The following CNOT2 variants were observed in gnomAD, a reference collection of about 807,000 sequenced individuals.
The protein encoded by CNOT2 is CCR4-NOT transcription complex subunit 2.
A neutral mutation model predicts 72.1 loss-of-function variants in CNOT2; 7 were observed. That is an observed-to-expected ratio of 0.10 (90% CI 0.06 to 0.18). The LOEUF (loss-of-function observed/expected upper bound fraction) is 0.18. Ranked by LOEUF, CNOT2 falls within the 10% of genes least tolerant of loss-of-function variation. The pLI is 1.00. For missense variants in CNOT2, 345 were observed against 660.3 expected (o/e 0.52, Z 5.23); for synonymous variants, 196 against 225.6 (o/e 0.87, Z 1.17).
intron 2 of CNOT2, among the ~76,000 whole-genome samples, chr12:70,278,913 T>G (rs952409126): frequency 1.3e-5 from 2 of 152,208 alleles, no homozygotes; most frequent in Admixed American, 1.3e-4. Flanking sequence ...ATTTTAAAGA[T>G]TGTGCTATTA....
At chr12:70,348,408 C>T (rs774427333) in intron 15 of CNOT2, among the ~76,000 whole-genome samples, 1 of 151,952 alleles carries the variant, frequency 6.6e-6, no homozygotes, top group Non-Finnish European at 1.5e-5. Flanking sequence ...TCCTAAGTGA[C>T]GGTAGTAATG....
intron 2 of CNOT2, among the ~76,000 whole-genome samples, chr12:70,305,464 A>G (rs1288703367): frequency 6.6e-6 from 1 of 152,218 alleles, no homozygotes; most frequent in African/African-American, 2.4e-5. Context: ...GCCAAACCAT[A>G]TCAGCTAGGA....
chr12:70,347,247 G>T (rs563617478), intron 15 of CNOT2, among the ~76,000 whole-genome samples: 1 of 152,062 alleles, frequency 6.6e-6, no homozygotes, highest in East Asian at 1.9e-4. Flanking sequence ...TTACTAAAAT[G>T]ATTATTTAAA....
rs1349724326 is a variant in CNOT2, at chr12:70,329,459, A to G, written c.275A>G (p.Asn92Ser). The G allele has an allele frequency of 1.2e-6, 2 of 1,612,116 alleles. No homozygotes were observed. Among genetic ancestry groups the G allele is most frequent in the South Asian group, 1.1e-5 (1 of 91,036 alleles). The change falls in exon 5 of 16, where the codon AAT becomes AGT. Residue 92 changes from asparagine (N) to serine (S), a missense_variant. Physicochemically the swap from Asn to Ser is conservative, Grantham distance 46. This residue lies in a region of CNOT2 where 157 missense variants were observed against 235.3 expected (regional missense o/e 0.67). Coordinates refer to ENST00000229195, the MANE Select transcript of CNOT2 (RefSeq NM_014515.7). The part of the protein sequence containing the change: ...LGLPMRGMSN[N>S]TPQLNRSLSQ... ...CTTCCAATGAGGGGGATGAGCAACA[A>G]TACCCCTCAGTTAAATCGCAGCTTA...
intron 15 of CNOT2, among the ~76,000 whole-genome samples, chr12:70,350,635 A>G (rs182151929): frequency 3.3e-5 from 5 of 152,268 alleles, no homozygotes; most frequent in Admixed American, 6.5e-5. Flanking sequence ...AACAAACCTT[A>G]TTTTCTGCAC....
At chr12:70,259,710 A>G (rs912752695) in intron 1 of CNOT2, among the ~76,000 whole-genome samples, 1 of 152,170 alleles carries the variant, frequency 6.6e-6, no homozygotes, top group African/African-American at 2.4e-5. Flanking sequence ...TTTGTTGGCT[A>G]GTACTCTTCT....
At chr12:70,258,578 C>G (rs1278755428) in intron 1 of CNOT2, among the ~76,000 whole-genome samples, 1 of 152,310 alleles carries the variant, frequency 6.6e-6, no homozygotes, top group East Asian at 1.9e-4. Flanking sequence ...TATTTAACTC[C>G]TACCGTGTGC....
intron 4 of CNOT2, among the ~76,000 whole-genome samples, chr12:70,320,479 T>C (rs1255120970): frequency 6.6e-6 from 1 of 151,774 alleles, no homozygotes; most frequent in Non-Finnish European, 1.5e-5. Context: ...AATTAGTAGA[T>C]AAAAGTTATT....
chr12:70,284,993 C>A (rs182189384), intron 2 of CNOT2, among the ~76,000 whole-genome samples: 3 of 151,766 alleles, frequency 2.0e-5, no homozygotes, highest in African/African-American at 7.3e-5. Context: ...CCTGTGTGTT[C>A]GCTCTGGTGT....
chr12:70,324,637 G>A (rs951102577), intron 4 of CNOT2, among the ~76,000 whole-genome samples: 2 of 151,842 alleles, frequency 1.3e-5, no homozygotes, highest in Non-Finnish European at 2.9e-5. Context: ...TAAAGATTCT[G>A]TGGCACTCCT....
At chr12:70,329,698 AC>A in intron 5 of CNOT2, 128 bp downstream of exon 5, 1 of 677,298 alleles carries the variant, frequency 1.5e-6, no homozygotes, top group Non-Finnish European at 2.6e-6. Context: ...GGAAGAAAAT[AC>A]CTATGCTCTT....
intron 2 of CNOT2, among the ~76,000 whole-genome samples, chr12:70,292,507 G>T (rs991571100): frequency 1.8e-4 from 28 of 152,232 alleles, no homozygotes; most frequent in Non-Finnish European, 2.9e-4. Context: ...TAGAGGAAGA[G>T]CATTCCTGGA....
intron 15 of CNOT2, 31 bp from the exon 16 acceptor site, chr12:70,353,798 G>T: frequency 6.4e-7 from 1 of 1,572,696 alleles, no homozygotes; most frequent in Non-Finnish European, 8.6e-7. Context: ...AAAAGGGGAA[G>T]ATATCTAAAT....
intron 2 of CNOT2, among the ~76,000 whole-genome samples, chr12:70,284,576 CT>C (rs34386691): frequency 0.27 from 26,059 of 94,794 alleles, 1,994 homozygotes; most frequent in Admixed American, 0.4. Flanking sequence ...AAAATTTGAC[CT>C]TTTTTTTTTT....
At chr12:70,302,700 G>T (rs1367522856) in intron 2 of CNOT2, among the ~76,000 whole-genome samples, 9 of 152,372 alleles carry the variant, frequency 5.9e-5, no homozygotes, top group African/African-American at 2.2e-4. Context: ...CTGTTGATTT[G>T]GGGTGGAGAG....
intron 4 of CNOT2, among the ~76,000 whole-genome samples, chr12:70,325,238 A>G (rs560923455): frequency 2.0e-5 from 3 of 151,966 alleles, no homozygotes; most frequent in South Asian, 4.1e-4. Flanking sequence ...AATGCTTGTT[A>G]AGGTTAGAAA....
At chr12:70,326,583 T>C (rs1422018657) in intron 4 of CNOT2, among the ~76,000 whole-genome samples, 5 of 151,756 alleles carry the variant, frequency 3.3e-5, no homozygotes. Context: ...TATTCAGTTG[T>C]GTTAGTTTGA....
intron 2 of CNOT2, among the ~76,000 whole-genome samples, chr12:70,293,084 TA>T (rs2135874910): frequency 6.6e-6 from 1 of 152,308 alleles, no homozygotes; most frequent in Admixed American, 6.5e-5. Context: ...TAATAGAGTT[TA>T]TTTTTCTTTG....
intron 1 of CNOT2, among the ~76,000 whole-genome samples, chr12:70,261,882 C>T (rs1464710950): frequency 1.3e-5 from 2 of 149,442 alleles, no homozygotes; most frequent in Non-Finnish European, 1.5e-5. Flanking sequence ...AATGCAATCT[C>T]TTCACTTGTT....
Sources: gnomAD v4.1 joint callset for allele counts (sites outside exome capture counted in the v4.1 genomes callset) on GRCh38, gnomAD v4.1.1 for gene constraint, gnomAD v4.1.1 regional missense constraint, MANE v1.5 for transcripts, NCBI Gene and HGNC (gene_info 2026-07-23, HGNC 2026-07-21) for gene names.